Variants in CAMK2B observed in about 807,000 individuals in gnomAD.
CAMK2B encodes calcium/calmodulin-dependent protein kinase type II subunit beta.
Under a neutral mutation model 93.7 loss-of-function variants are expected in CAMK2B, and 27 were observed. The observed-to-expected ratio is 0.29, with a 90% CI of 0.21 to 0.40. CAMK2B has a LOEUF of 0.40. Among genes scored for constraint, CAMK2B ranks in the 10% least tolerant of loss-of-function variants. The pLI is 1.00. For missense variants in CAMK2B, 568 were observed against 895.8 expected (o/e 0.63, Z 4.67); for synonymous variants, 374 against 358.8 (o/e 1.04, Z -0.48).
At chr7:44,273,474 G>T (rs2096995105) in intron 2 of CAMK2B, among the ~76,000 whole-genome samples, 1 of 152,128 alleles carries the variant, frequency 6.6e-6, no homozygotes, top group Admixed American at 6.5e-5. Context: ...AACAACGGTG[G>T]CCCCCCACAG....
intron 16 of CAMK2B, among the ~76,000 whole-genome samples, chr7:44,231,946 T>A (rs949223566): frequency 1.3e-5 from 2 of 152,140 alleles, no homozygotes; most frequent in Non-Finnish European, 2.9e-5. Context: ...GGTCTTTAGG[T>A]GCAGGCTCAG....
At chr7:44,265,560 C>T (rs2096915264) in intron 2 of CAMK2B, among the ~76,000 whole-genome samples, 1 of 152,194 alleles carries the variant, frequency 6.6e-6, no homozygotes, top group Non-Finnish European at 1.5e-5. Context: ...ATCATAAATC[C>T]AAATCAGGAG....
chr7:44,285,859 T>TG (rs1368571574), intron 1 of CAMK2B, among the ~76,000 whole-genome samples: 2 of 10,636 alleles, frequency 1.9e-4, no homozygotes, highest in African/African-American at 4.5e-4. Flanking sequence ...GGACACGGCG[T>TG]GGGGGGCGCG....
chr7:44,222,052 A>G (rs1186087225), intron 20 of CAMK2B, among the ~76,000 whole-genome samples: 1 of 152,182 alleles, frequency 6.6e-6, no homozygotes, highest in Non-Finnish European at 1.5e-5. Flanking sequence ...CTGCGAGGAT[A>G]TATACGCAGG....
chr7:44,230,918 A>G, intron 17 of CAMK2B, 88 bp downstream of exon 17: 1 of 1,121,022 alleles, frequency 8.9e-7, no homozygotes, highest in Non-Finnish European at 1.3e-6. Flanking sequence ...GTCGCAGGAG[A>G]GTTGACCCTG....
intron 5 of CAMK2B, among the ~76,000 whole-genome samples, chr7:44,253,054 T>G (rs1442650385): frequency 1.3e-5 from 2 of 152,106 alleles, no homozygotes; most frequent in East Asian, 3.9e-4. Flanking sequence ...CCAGAGCTGC[T>G]CACACTGCCC....
At position 44,305,568 on chromosome 7, in the gene CAMK2B, C is replaced by A. The variant is rs542781536; in HGVS notation, c.65+19789G>T. The stretch of plus-strand genomic sequence containing the variant: ...TGCACAGGTCCCCTGAGGTGCCCTG[C>A]ACTGGCTCAAAAACAGTCTCCTGGG... On this transcript the variant is annotated intron_variant, in intron 1 of 23. Transcript: ENST00000395749. Among the ~76,000 whole-genome samples, 289 of 152,364 alleles carry A rather than the reference C, an allele frequency of 1.9e-3. 4 individuals are homozygous for A. Among genetic ancestry groups the A allele is most frequent in the African/African-American group, 6.5e-3 (270 of 41,592 alleles).
At chr7:44,305,354 C>T (rs1472880837) in intron 1 of CAMK2B, among the ~76,000 whole-genome samples, 1 of 152,162 alleles carries the variant, frequency 6.6e-6, no homozygotes, top group Non-Finnish European at 1.5e-5. Flanking sequence ...CACAGTGGCT[C>T]ATGCCTATAA....
chr7:44,286,694 C>T lies in CAMK2B; in HGVS notation c.66-2469G>A, dbSNP rs1785220358. ...CTGGGTCAGGCAGCCCCTTTCTCCT[C>T]TGCAGAAGGCTCCAGAGCCGCCCCT... On this transcript the variant is annotated intron_variant, in intron 1 of 23. Coordinates refer to ENST00000395749, the MANE Select transcript of CAMK2B (RefSeq NM_001220.5). The surrounding 1 kb of genome is among the most constrained non-coding windows in gnomAD (Gnocchi z 4.0). Among the ~76,000 whole-genome samples, 1 of 152,252 alleles carries T rather than the reference C, an allele frequency of 6.6e-6. No individual in the cohort carries two copies. The highest frequency in any genetic ancestry group is 2.4e-5 in the African/African-American group (1 of 41,466).
At chr7:44,252,778 A>G (rs2096792207) in intron 5 of CAMK2B, among the ~76,000 whole-genome samples, 1 of 152,182 alleles carries the variant, frequency 6.6e-6, no homozygotes, top group African/African-American at 2.4e-5. Context: ...AGGCTCTGTG[A>G]CATATCTCAC....
At chr7:44,236,999 A>G (rs2096631955) in intron 13 of CAMK2B, among the ~76,000 whole-genome samples, 1 of 152,264 alleles carries the variant, frequency 6.6e-6, no homozygotes, top group Non-Finnish European at 1.5e-5. Context: ...GCTGTGGCCA[A>G]CTGAAGCAGG....
intron 20 of CAMK2B, among the ~76,000 whole-genome samples, chr7:44,222,745 G>GA (rs926909019): frequency 1.4e-4 from 22 of 152,222 alleles, no homozygotes; most frequent in African/African-American, 4.8e-4. Flanking sequence ...TGCCCAGCCA[G>GA]AAGAGGGAAT....
At chr7:44,301,240 G>A (rs903194585) in intron 1 of CAMK2B, among the ~76,000 whole-genome samples, 20 of 152,158 alleles carry the variant, frequency 1.3e-4, no homozygotes, top group African/African-American at 2.2e-4. Context: ...TGATCCTCCC[G>A]CCTCAGCCTC....
chr7:44,304,018 G>C (rs1003805923), intron 1 of CAMK2B, among the ~76,000 whole-genome samples: 1 of 152,116 alleles, frequency 6.6e-6, no homozygotes, highest in Non-Finnish European at 1.5e-5. Flanking sequence ...AGTCATTAGG[G>C]AATTGCAAAT....
intron 3 of CAMK2B, among the ~76,000 whole-genome samples, chr7:44,262,767 C>A (rs2096890156): frequency 6.6e-6 from 1 of 152,140 alleles, no homozygotes; most frequent in Non-Finnish European, 1.5e-5. Flanking sequence ...GCACCCAGAG[C>A]CCCACCTTGG....
intron 2 of CAMK2B, among the ~76,000 whole-genome samples, chr7:44,263,467 G>C (rs1252903326): frequency 6.6e-6 from 1 of 152,198 alleles, no homozygotes; most frequent in Non-Finnish European, 1.5e-5. Flanking sequence ...GGGCCGGGAG[G>C]GGGTTGAGGG....
intron 6 of CAMK2B, 133 bp from the exon 7 acceptor site, chr7:44,243,660 C>G (rs2096703691): frequency 1.2e-5 from 8 of 688,784 alleles, no homozygotes; most frequent in Non-Finnish European, 2.0e-5. Context: ...GAGCCCTGCC[C>G]CATGGTGTCT....
intron 2 of CAMK2B, among the ~76,000 whole-genome samples, chr7:44,272,053 C>T (rs1259063988): frequency 6.6e-6 from 1 of 152,138 alleles, no homozygotes; most frequent in Non-Finnish European, 1.5e-5. Flanking sequence ...TCACAGGAGG[C>T]CCCACTTGGA....
rs1437070379 is a variant in CAMK2B at position 44,286,539 on chromosome 7, C to A, written c.66-2314G>T. On this transcript the variant is annotated intron_variant, in intron 1 of 23. Transcript: ENST00000395749. This position sits in a 1 kb window ranked among gnomAD's most constrained non-coding sequence, Gnocchi z 4.0. Reference sequence around the variant, plus strand: ...CTCCCAGCTGCTGGCCAGACTCAGACAGGTACCGGAGCAGAGGGCGGCAAG... The same window carrying A: ...CTCCCAGCTGCTGGCCAGACTCAGAAAGGTACCGGAGCAGAGGGCGGCAAG... 6.6e-6 allele frequency among the ~76,000 whole-genome samples: 1 copy of A among 152,208 alleles called. No individual in the cohort carries two copies. Among genetic ancestry groups the A allele is most frequent in the Admixed American group, 6.5e-5 (1 of 15,290 alleles).
Sources: gnomAD v4.1 joint callset for allele counts (sites outside exome capture counted in the v4.1 genomes callset) on GRCh38, gnomAD v4.1.1 for gene constraint, Gnocchi (gnomAD v3.1) non-coding constraint, MANE v1.5 for transcripts, NCBI Gene and HGNC (gene_info 2026-07-23, HGNC 2026-07-21) for gene names.